The following KLF8 variants were observed in gnomAD, a reference collection of about 807,000 sequenced individuals.
The protein encoded by KLF8 is KLF transcription factor 8.
A neutral mutation model predicts 18.2 loss-of-function variants in KLF8; 10 were observed. That is an observed-to-expected ratio of 0.55 (90% CI 0.34 to 0.93). The LOEUF (loss-of-function observed/expected upper bound fraction) is 0.93. Among genes scored for constraint, KLF8 ranks in the 40% least tolerant of loss-of-function variants. The pLI is 0.02. For synonymous variants in KLF8, 109 were observed against 97.3 expected (o/e 1.12, Z -0.71); for missense variants, 264 against 277.9 (o/e 0.95, Z 0.36).
the KLF8 span, among the ~76,000 whole-genome samples, chrX:56,124,101 T>C: frequency 8.9e-6 from 1 of 111,842 alleles, no homozygotes; most frequent in Non-Finnish European, 1.9e-5. Flanking sequence ...GGTTTTGTGA[T>C]TAATGGTAAC....
At chrX:56,047,650 T>A in the KLF8 span, among the ~76,000 whole-genome samples, 1 of 111,582 alleles carries the variant, frequency 9.0e-6, no homozygotes, top group African/African-American at 3.3e-5. Context: ...CACATTTTCT[T>A]AATCCAGTCT....
chrX:56,020,822 C>T, the KLF8 span, among the ~76,000 whole-genome samples: 1 of 111,816 alleles, frequency 8.9e-6, no homozygotes, highest in Non-Finnish European at 1.9e-5. Flanking sequence ...CTTGCTCTAC[C>T]TCTCCACTTT....
At chrX:56,256,551 C>A (rs201759177) in intron 2 of KLF8, among the ~76,000 whole-genome samples, 2 of 111,522 alleles carry the variant, frequency 1.8e-5, no homozygotes, top group East Asian at 5.6e-4. Flanking sequence ...GCACTTACAG[C>A]TATAAAACTT....
the KLF8 span, among the ~76,000 whole-genome samples, chrX:56,010,225 A>G: frequency 1.8e-5 from 2 of 111,706 alleles, no homozygotes; most frequent in African/African-American, 6.5e-5. Context: ...AGGCCAGGTC[A>G]CCTACAAATG....
At chrX:56,173,521 G>A in the KLF8 span, among the ~76,000 whole-genome samples, 2 of 111,940 alleles carry the variant, frequency 1.8e-5, no homozygotes, top group African/African-American at 3.2e-5. Context: ...ATAGTTTGAA[G>A]TCAGGTAGCG....
chrX:56,258,022 TC>T (rs1428318463), intron 2 of KLF8, among the ~76,000 whole-genome samples: 3 of 111,829 alleles, frequency 2.7e-5, no homozygotes, highest in Non-Finnish European at 5.6e-5. Context: ...TGGATGAGAA[TC>T]CTTTGTACTG....
chrX:56,204,141 C>G, the KLF8 span, among the ~76,000 whole-genome samples: 2 of 111,290 alleles, frequency 1.8e-5, no homozygotes, highest in Non-Finnish European at 3.8e-5. Context: ...TTTCCCACTT[C>G]TTTGGTTAAG....
the KLF8 span, among the ~76,000 whole-genome samples, chrX:55,995,115 G>C: frequency 8.9e-6 from 1 of 112,200 alleles, no homozygotes; most frequent in Non-Finnish European, 1.9e-5. Context: ...ATTTAGGATA[G>C]TTAGGTCTTG....
chrX:56,257,641 A>G (rs1299849946), intron 2 of KLF8, among the ~76,000 whole-genome samples: 1 of 112,171 alleles, frequency 8.9e-6, no homozygotes, highest in Non-Finnish European at 1.9e-5. Context: ...TAATTCCCTT[A>G]GGAGAATAGC....
the KLF8 span, among the ~76,000 whole-genome samples, chrX:56,186,653 G>T: frequency 9.0e-6 from 1 of 111,659 alleles, no homozygotes; most frequent in Non-Finnish European, 1.9e-5. Context: ...AAATGTAAAA[G>T]ATCAGAAATT....
At chrX:56,265,147 C>A in intron 2 of KLF8, 33 bp from the exon 3 acceptor site, 1 of 1,155,234 alleles carries the variant, frequency 8.7e-7, no homozygotes, top group Non-Finnish European at 1.2e-6. Context: ...CTAACACTGA[C>A]TTATGCATCT....
At chrX:56,243,242 C>T (rs980281786) in intron 1 of KLF8, 204 of 444,618 alleles carry the variant, frequency 4.6e-4, no homozygotes, top group Non-Finnish European at 1.2e-4. Context: ...GGGCTGCCTA[C>T]AGAGTCGCAG....
chrX:56,090,949 C>T, the KLF8 span, among the ~76,000 whole-genome samples: 3 of 111,897 alleles, frequency 2.7e-5, no homozygotes, highest in African/African-American at 6.5e-5. Flanking sequence ...CTGCAGAAAA[C>T]GTAATTTTAT....
the KLF8 span, among the ~76,000 whole-genome samples, chrX:56,178,869 C>T: frequency 1.8e-5 from 2 of 112,353 alleles, no homozygotes; most frequent in East Asian, 2.8e-4. Context: ...CAGTACCATG[C>T]TGTTTCAGTT....
At chrX:56,136,658 A>G in the KLF8 span, among the ~76,000 whole-genome samples, 3 of 111,719 alleles carry the variant, frequency 2.7e-5, no homozygotes, top group Non-Finnish European at 3.8e-5. Flanking sequence ...ACCCTAGAAG[A>G]AAACCTAGGC....
At chrX:56,038,658 A>T in the KLF8 span, among the ~76,000 whole-genome samples, 1 of 112,340 alleles carries the variant, frequency 8.9e-6, no homozygotes, top group African/African-American at 3.2e-5. Flanking sequence ...TGCTATTATT[A>T]ATAGTGCTGC....
In KLF8 at chrX:56,290,422, G is replaced by A. The variant is rs1052355330; in HGVS notation, c.*5928G>A. 9.0e-6 allele frequency among the ~76,000 whole-genome samples: 1 copy of A among 111,464 alleles called. No individual in the cohort carries two copies. The highest frequency in any genetic ancestry group is 1.9e-5 in the Non-Finnish European group (1 of 53,014). On this transcript the variant is annotated 3_prime_UTR_variant, in exon 6 of 6. Coordinates refer to ENST00000468660, the MANE Select transcript of KLF8 (RefSeq NM_007250.5). ...ATAAACAGATAAATTTGAGTAAGAAGGATAATTAAAGAGTGGCCACTGGAA... is the reference window on the plus strand; with the variant it reads ...ATAAACAGATAAATTTGAGTAAGAAAGATAATTAAAGAGTGGCCACTGGAA...
chrX:56,002,417 ATGTGTGTGTGTGTGTGTGTGTGTG>A, the KLF8 span, among the ~76,000 whole-genome samples: 1 of 92,641 alleles, frequency 1.1e-5, no homozygotes, highest in Admixed American at 1.2e-4. Context: ...ATTTGTGTGT[ATGTGTGTGTGTGTGTGTGTGTGTG>A]TGTGTGTGTG....
At chrX:55,913,353 T>C in the KLF8 span, among the ~76,000 whole-genome samples, 1 of 111,814 alleles carries the variant, frequency 8.9e-6, no homozygotes, top group Non-Finnish European at 1.9e-5. Context: ...TTTCAGAATG[T>C]GACTATTTGG....
Sources: gnomAD v4.1 joint callset for allele counts (sites outside exome capture counted in the v4.1 genomes callset) on GRCh38, gnomAD v4.1.1 for gene constraint, MANE v1.5 for transcripts, NCBI Gene and HGNC (gene_info 2026-07-23, HGNC 2026-07-21) for gene names.